ADAT2: variants seen among roughly 807,000 people sequenced by gnomAD.
The protein encoded by ADAT2 is tRNA-specific adenosine-34 deaminase catalytic subunit ADAT2.
A neutral mutation model predicts 25.9 loss-of-function variants in ADAT2; 26 were observed. The observed-to-expected ratio is 1.00, with a 90% CI of 0.74 to 1.39. The LOEUF is 1.39. ADAT2 is among the 40% of genes most tolerant of loss of function. The pLI, the probability that ADAT2 is intolerant of heterozygous loss-of-function variation, is 0.00. For synonymous variants in ADAT2, 76 were observed against 86.8 expected, an observed-to-expected ratio of 0.88 and a Z score of 0.69; for missense variants, 220 against 244.8, an observed-to-expected ratio of 0.90 and a Z score of 0.68.
At position 143,436,602 on chromosome 6, in the gene ADAT2, G is replaced by A. The variant is rs1397391174; in HGVS notation, c.201+1988C>T. The A allele has an allele frequency of 2.9e-5, 12 of 407,432 alleles. No individual in the cohort carries two copies. The highest frequency in any genetic ancestry group is 1.3e-4 in the South Asian group (6 of 47,726). 25.2% of individuals were successfully genotyped at this position (407,432 alleles called of 1,614,324 possible). Reference sequence around the variant, plus strand: ...GCAAGAATGAGATGGAATTCACTGGGGCCGAGAGCAACATGAATGACCTGG... The same window carrying A: ...GCAAGAATGAGATGGAATTCACTGGAGCCGAGAGCAACATGAATGACCTGG... On this transcript the variant is annotated intron_variant, in intron 2 of 5. Transcript: ENST00000237283. This position sits in a 1 kb window ranked among gnomAD's most constrained non-coding sequence, Gnocchi z 4.1.
intron 3 of ADAT2, 49 bp downstream of exon 3, chr6:143,433,782 T>C (rs773713583): frequency 2.6e-6 from 4 of 1,551,166 alleles, no homozygotes; most frequent in Non-Finnish European, 3.5e-6. Flanking sequence ...GGCCACTCTC[T>C]TGTTCACACG....
rs1239064865 is a variant in ADAT2, at chr6:143,424,544, T to C, written c.*3919A>G. On this transcript the variant is annotated 3_prime_UTR_variant, in exon 6 of 6. Transcript: ENST00000237283. The surrounding 1 kb of genome is among the most constrained non-coding windows in gnomAD (Gnocchi z 4.8). ...CAACCTACCTAGAGTGTTTATCCCA[T>C]TGGATCACCATAGGTCATCTGCAGT... is the stretch of plus-strand genomic sequence containing the variant. 1 of 152,202 alleles carries C rather than the reference T, an allele frequency of 6.6e-6. No homozygotes were observed. Among genetic ancestry groups the C allele is most frequent in the Non-Finnish European group, 1.5e-5 (1 of 68,036 alleles). 9.4% of individuals were successfully genotyped at this position (152,202 alleles called of 1,614,324 possible).
At chr6:143,450,542 T>A in intron 1 of ADAT2, 21 bp downstream of exon 1, 1 of 1,613,714 alleles carries the variant, frequency 6.2e-7, no homozygotes, top group Non-Finnish European at 8.5e-7. Flanking sequence ...CCCCGCAGCA[T>A]CTACCTCCCG....
intron 1 of ADAT2, among the ~76,000 whole-genome samples, chr6:143,445,898 C>T (rs1163145345): frequency 6.6e-6 from 1 of 152,090 alleles, no homozygotes; most frequent in African/African-American, 2.4e-5. Flanking sequence ...ATATTAATAT[C>T]AATTGCCCCA....
rs1364945737 is a variant in ADAT2 at position 143,444,396 on chromosome 6, G to A, written c.97-5702C>T. Among the ~76,000 whole-genome samples the A allele has an allele frequency of 1.4e-5, 2 of 144,852 alleles. No individual in the cohort carries two copies. The highest frequency in any genetic ancestry group is 1.5e-5 in the Non-Finnish European group (1 of 65,086). ...AAAGCCCCATGGAAGTGAGTTGAGG[G>A]GAACTCCTTTACAACAATTAACATG... On this transcript the variant is annotated intron_variant, in intron 1 of 5. Transcript: ENST00000237283. The surrounding 1 kb of genome is among the most constrained non-coding windows in gnomAD (Gnocchi z 4.3).
In ADAT2 at chr6:143,437,107, T is replaced by A. The variant is rs1013851905; in HGVS notation, c.201+1483A>T. On this transcript the variant is annotated intron_variant, in intron 2 of 5. Transcript: ENST00000237283. The surrounding 1 kb of genome is among the most constrained non-coding windows in gnomAD (Gnocchi z 4.1). ...GGGGGCTGACATATTAACTACAGAT[T>A]TTCTATGCAGTGAACATGGTTATAT... 1.3e-5 allele frequency among the ~76,000 whole-genome samples: 2 copies of A among 152,186 alleles called. No homozygotes were observed. Among genetic ancestry groups the A allele is most frequent in the African/African-American group, 4.8e-5 (2 of 41,452 alleles).
Position 143,428,572 on chromosome 6 carries a change from G to A in ADAT2, c.532+40C>T. ...AGCTCATAGCAGATTCTCTTTGTAT[G>A]GATTTAAGGGAAGGACATTATCCAC... On this transcript the variant is annotated intron_variant, in intron 5 of 5. Transcript: ENST00000237283. This position sits in a 1 kb window ranked among gnomAD's most constrained non-coding sequence, Gnocchi z 5.0. 1 of 1,612,098 alleles carries A rather than the reference G, an allele frequency of 6.2e-7. No homozygotes were observed. Among genetic ancestry groups the A allele is most frequent in the Non-Finnish European group, 8.5e-7 (1 of 1,178,422 alleles).
chr6:143,428,172 C>T lies in ADAT2; in HGVS notation c.*291G>A, dbSNP rs1778996543. On this transcript the variant is annotated 3_prime_UTR_variant, in exon 6 of 6. Coordinates refer to ENST00000237283, the MANE Select transcript of ADAT2 (RefSeq NM_182503.3). This position sits in a 1 kb window ranked among gnomAD's most constrained non-coding sequence, Gnocchi z 5.0. ...AGTCAGCACTTGCCTGGACTGGGCACTTGTGGCTAGAAGGGTATGCACTAC... is the reference window on the plus strand; with the variant it reads ...AGTCAGCACTTGCCTGGACTGGGCATTTGTGGCTAGAAGGGTATGCACTAC... 1.0e-5 allele frequency: 4 copies of T among 398,414 alleles called. No individual in the cohort carries two copies. Among genetic ancestry groups the T allele is most frequent in the Non-Finnish European group, 1.8e-5 (4 of 221,618 alleles). 24.7% of individuals were successfully genotyped at this position (398,414 alleles called of 1,614,324 possible).
chr6:143,434,038 A>G lies in ADAT2; in HGVS notation c.202-57T>C. 1 of 1,592,718 alleles carries G rather than the reference A, an allele frequency of 6.3e-7. No individual in the cohort carries two copies. The highest frequency in any genetic ancestry group is 8.5e-7 in the Non-Finnish European group (1 of 1,170,872). The stretch of plus-strand genomic sequence containing the variant: ...GTTTGCTTCATGTGACTACTATTTT[A>G]CAAATATACAAAAACTAAGTACAAA... On this transcript the variant is annotated intron_variant, in intron 2 of 5. Transcript: ENST00000237283. This position sits in a 1 kb window ranked among gnomAD's most constrained non-coding sequence, Gnocchi z 4.5.
rs1562642494 is a variant in ADAT2, at chr6:143,440,525, TG to T, written c.97-1832del. Among the ~76,000 whole-genome samples, 1 of 152,084 alleles carries T rather than the reference TG, an allele frequency of 6.6e-6. No individual in the cohort carries two copies. The highest frequency in any genetic ancestry group is 2.4e-5 in the African/African-American group (1 of 41,406). On this transcript the variant is annotated intron_variant, in intron 1 of 5. Coordinates refer to ENST00000237283, the MANE Select transcript of ADAT2 (RefSeq NM_182503.3). This position sits in a 1 kb window ranked among gnomAD's most constrained non-coding sequence, Gnocchi z 4.5. ...TGGTTGGTGGGTCAGAGATGGGGCA[TG>T]GAGAGATGTGAGAAGACAGTATCTG...
intron 4 of ADAT2, among the ~76,000 whole-genome samples, chr6:143,429,846 C>T (rs62429067): frequency 6.6e-6 from 1 of 152,168 alleles, no homozygotes; most frequent in Non-Finnish European, 1.5e-5. Flanking sequence ...CTTCAGTCTG[C>T]CCTTGCCTGG....
intron 1 of ADAT2, among the ~76,000 whole-genome samples, chr6:143,447,830 C>G (rs1270619673): frequency 6.6e-6 from 1 of 152,150 alleles, no homozygotes; most frequent in Non-Finnish European, 1.5e-5. Context: ...TTGTGGAAGA[C>G]AGTGTGGCGA....
intron 1 of ADAT2, among the ~76,000 whole-genome samples, chr6:143,450,336 C>T (rs149076171): frequency 1.7e-3 from 261 of 152,292 alleles, no homozygotes; most frequent in Admixed American, 4.4e-3. Flanking sequence ...CATACTCCAC[C>T]GCAATGAAAC....
intron 1 of ADAT2, among the ~76,000 whole-genome samples, chr6:143,443,440 TA>T (rs1231164735): frequency 6.6e-6 from 1 of 151,452 alleles, no homozygotes; most frequent in Non-Finnish European, 1.5e-5. Context: ...ATTTTAAGGA[TA>T]AAAAAAATGG....
intron 1 of ADAT2, chr6:143,441,743 AG>A (rs1322517471): frequency 2.0e-5 from 3 of 152,362 alleles, no homozygotes; most frequent in African/African-American, 7.2e-5. Flanking sequence ...AGAAGGCAAA[AG>A]ACAGACATTT....
chr6:143,448,238 C>T (rs921207765), intron 1 of ADAT2, among the ~76,000 whole-genome samples: 4 of 151,958 alleles, frequency 2.6e-5, no homozygotes, highest in Admixed American at 6.6e-5. Flanking sequence ...ACATCACACA[C>T]CGGGGCCTGT....
At chr6:143,430,995 C>G (rs1779097507) in intron 4 of ADAT2, among the ~76,000 whole-genome samples, 2 of 152,192 alleles carry the variant, frequency 1.3e-5, no homozygotes. Flanking sequence ...ATCTGCAATT[C>G]TGCAGTAAGA....
chr6:143,438,075 C>T (rs533063893), intron 2 of ADAT2, among the ~76,000 whole-genome samples: 1 of 152,234 alleles, frequency 6.6e-6, no homozygotes, highest in African/African-American at 2.4e-5. Flanking sequence ...AAAGGAATAG[C>T]TTCCTTTATA....
At position 143,434,031 on chromosome 6, in the gene ADAT2, C is replaced by G; in HGVS notation, c.202-50G>C. 6.2e-7 allele frequency: 1 copy of G among 1,600,356 alleles called. No individual in the cohort carries two copies. The highest frequency in any genetic ancestry group is 8.5e-7 in the Non-Finnish European group (1 of 1,174,820). ...TGATGCTGTTTGCTTCATGTGACTA[C>G]TATTTTACAAATATACAAAAACTAA... is the stretch of plus-strand genomic sequence containing the variant. On this transcript the variant is annotated intron_variant, in intron 2 of 5. Transcript: ENST00000237283. This position sits in a 1 kb window ranked among gnomAD's most constrained non-coding sequence, Gnocchi z 4.5.
Sources: gnomAD v4.1 joint callset for allele counts (sites outside exome capture counted in the v4.1 genomes callset) on GRCh38, gnomAD v4.1.1 for gene constraint, Gnocchi (gnomAD v3.1) non-coding constraint, MANE v1.5 for transcripts, NCBI Gene and HGNC (gene_info 2026-07-23, HGNC 2026-07-21) for gene names.